The following GANC variants were observed in gnomAD, a reference collection of about 807,000 sequenced individuals.
GANC encodes glucosidase alpha, neutral C, also known as neutral alpha-glucosidase C.
Under a neutral mutation model 124.2 loss-of-function variants are expected in GANC, and 117 were observed. That is an observed-to-expected ratio of 0.94 (90% CI 0.81 to 1.10). The LOEUF is 1.10. GANC is among the 50% of genes least tolerant of loss of function. GANC has a pLI of 0.00. For missense variants in GANC, 1,140 were observed against 1,095.0 expected, an observed-to-expected ratio of 1.04 and a Z score of -0.58; for synonymous variants, 377 against 376.8, an observed-to-expected ratio of 1.00 and a Z score of -0.01.
intron 11 of GANC, among the ~76,000 whole-genome samples, chr15:42,325,149 T>C (rs1196558185): frequency 6.6e-6 from 1 of 150,896 alleles, no homozygotes; most frequent in Non-Finnish European, 1.5e-5. Context: ...GGCGGGCACC[T>C]GTAATCCCAG....
chr15:42,278,740 TCCC>T, intron 3 of GANC, 150 bp downstream of exon 3: 3 of 568,420 alleles, frequency 5.3e-6, no homozygotes, highest in Middle Eastern at 4.1e-4. Flanking sequence ...ACGCCTGTAA[TCCC>T]AGCACTCTGG....
chr15:42,348,569 C>T (rs1420375587), intron 21 of GANC, among the ~76,000 whole-genome samples: 1 of 152,206 alleles, frequency 6.6e-6, no homozygotes, highest in Non-Finnish European at 1.5e-5. Context: ...CATGTCTATG[C>T]ACCATTTCAG....
chr15:42,349,508 A>G lies in GANC; in HGVS notation c.2531+13A>G. 6.9e-7 allele frequency: 1 copy of G among 1,439,944 alleles called. No homozygotes were observed. The highest frequency in any genetic ancestry group is 1.7e-4 in the Middle Eastern group (1 of 5,718). The allele number at this position is 1,439,944 out of a possible 1,614,324, so 89.2% of individuals were successfully genotyped here. The stretch of plus-strand genomic sequence containing the variant: ...TTCTGATCAATAGGTAATGGCAGCT[A>G]AAGAAACTGTTTGTTTTCTTAAGTA... On this transcript the variant is annotated intron_variant, in intron 22 of 23. Transcript: ENST00000318010.
At chr15:42,303,007 C>G (rs2051961135) in intron 6 of GANC, among the ~76,000 whole-genome samples, 1 of 152,086 alleles carries the variant, frequency 6.6e-6, no homozygotes, top group South Asian at 2.1e-4. Context: ...ACAGAGAACA[C>G]CACAAAGATA....
At position 42,310,450 on chromosome 15, in the gene GANC, A is replaced by C. The variant is rs750244401; in HGVS notation, c.890A>C (p.Glu297Ala). ...GAAACACTGGTGGAGATCAATACAGAGCCTGCAGTAGAGGTGAGCTATTTA... is the reference window on the plus strand; with the variant it reads ...GAAACACTGGTGGAGATCAATACAGCGCCTGCAGTAGAGGTGAGCTATTTA... Reference protein sequence around the residue: ...ASETLVEINTEPAVEYTLTQM... With the variant: ...ASETLVEINTAPAVEYTLTQM... Residue 297 changes from glutamate (E) to alanine (A), a missense_variant, in exon 9 of 24, where the codon GAG becomes GCG. Coordinates refer to ENST00000318010, the MANE Select transcript of GANC (RefSeq NM_198141.3). The C allele has an allele frequency of 3.1e-6, 5 of 1,603,694 alleles. No homozygotes were observed. In the Middle Eastern group the frequency reaches 5.0e-4, roughly 160 times the overall value.
At chr15:42,318,194 T>C (rs952435880) in intron 10 of GANC, among the ~76,000 whole-genome samples, 1 of 152,176 alleles carries the variant, frequency 6.6e-6, no homozygotes, top group Non-Finnish European at 1.5e-5. Flanking sequence ...TGTTTTCTGG[T>C]GTTGTATCCC....
chr15:42,307,544 A>G (rs2052010236), intron 7 of GANC, among the ~76,000 whole-genome samples: 1 of 152,172 alleles, frequency 6.6e-6, no homozygotes, highest in South Asian at 2.1e-4. Flanking sequence ...CTTTTCCACA[A>G]GCTCCTACAA....
Position 42,352,350 on chromosome 15 carries a change from T to G in GANC, c.*211T>G, listed in dbSNP as rs1412483294. 7.4e-7 allele frequency: 1 copy of G among 1,359,294 alleles called. No individual in the cohort carries two copies. The highest frequency in any genetic ancestry group is 3.0e-5 in the East Asian group (1 of 33,812). The allele number at this position is 1,359,294 out of a possible 1,614,324, so 84.2% of individuals were successfully genotyped here. On this transcript the variant is annotated 3_prime_UTR_variant, in exon 24 of 24. Coordinates refer to ENST00000318010, the MANE Select transcript of GANC (RefSeq NM_198141.3). ...AGATGTACTAACAATATTCCTTGTATCAAACATCTCCTTTTCTCCCTGATA... is the reference window on the plus strand; with the variant it reads ...AGATGTACTAACAATATTCCTTGTAGCAAACATCTCCTTTTCTCCCTGATA...
At chr15:42,290,949 G>A (rs1270797262) in intron 4 of GANC, among the ~76,000 whole-genome samples, 2 of 152,114 alleles carry the variant, frequency 1.3e-5, no homozygotes, top group Admixed American at 6.5e-5. Context: ...AGGTGAAGCT[G>A]ATCCTGCCTT....
chr15:42,337,006 GA>G (rs1476938736), intron 15 of GANC, among the ~76,000 whole-genome samples: 1 of 152,212 alleles, frequency 6.6e-6, no homozygotes, highest in Non-Finnish European at 1.5e-5. Flanking sequence ...AGGTTGCAGA[GA>G]AAGGACAATG....
At position 42,310,321 on chromosome 15, in the gene GANC, A is replaced by G. The variant is rs766926987; in HGVS notation, c.761A>G (p.Tyr254Cys). Residue 254 changes from tyrosine to cysteine, a missense_variant, in exon 9 of 24, where the codon TAT becomes TGT. Transcript: ENST00000318010. ...DAYRLYNLDVYGYQIYDKMGI... is the reference protein window; with the variant it reads ...DAYRLYNLDVCGYQIYDKMGI... ...TACCGTCTTTATAACCTGGATGTCTATGGATACCAAATATATGATAAAATG... is the reference window on the plus strand; with the variant it reads ...TACCGTCTTTATAACCTGGATGTCTGTGGATACCAAATATATGATAAAATG... 7 of 1,612,436 alleles carry G rather than the reference A, an allele frequency of 4.3e-6. No individual in the cohort carries two copies. Among genetic ancestry groups the G allele is most frequent in the South Asian group, 2.2e-5 (2 of 90,888 alleles).
intron 6 of GANC, among the ~76,000 whole-genome samples, chr15:42,297,946 C>T (rs184337076): frequency 6.6e-6 from 1 of 152,258 alleles, no homozygotes; most frequent in East Asian, 1.9e-4. Context: ...AAACAAATCC[C>T]AAACATGTTC....
chr15:42,298,856 C>T (rs750416730), intron 6 of GANC, among the ~76,000 whole-genome samples: 28 of 152,146 alleles, frequency 1.8e-4, no homozygotes, highest in Non-Finnish European at 3.4e-4. Flanking sequence ...ATTTGGCTCT[C>T]TGATTGTCTA....
intron 17 of GANC, among the ~76,000 whole-genome samples, chr15:42,340,204 C>T (rs570027945): frequency 2.0e-5 from 3 of 152,266 alleles, no homozygotes; most frequent in African/African-American, 7.2e-5. Flanking sequence ...AAAATTCATT[C>T]AGTATTTAAC....
At chr15:42,306,285 A>G (rs1330432823) in intron 6 of GANC, among the ~76,000 whole-genome samples, 1 of 152,192 alleles carries the variant, frequency 6.6e-6, no homozygotes, top group Non-Finnish European at 1.5e-5. Context: ...AATAGTTAAA[A>G]TGGTAAATTT....
intron 3 of GANC, among the ~76,000 whole-genome samples, chr15:42,286,878 A>G (rs1022898512): frequency 1.3e-5 from 2 of 152,244 alleles, no homozygotes; most frequent in Non-Finnish European, 2.9e-5. Flanking sequence ...AAAATTTGGC[A>G]TCATACTTCG....
At chr15:42,346,518 T>C (rs1484757382) in intron 20 of GANC, among the ~76,000 whole-genome samples, 1 of 152,172 alleles carries the variant, frequency 6.6e-6, no homozygotes, top group Non-Finnish European at 1.5e-5. Context: ...GGTATATGAA[T>C]TCTATCAAAG....
chr15:42,299,718 A>G (rs1023890039), intron 6 of GANC, among the ~76,000 whole-genome samples: 1 of 152,234 alleles, frequency 6.6e-6, no homozygotes, highest in Non-Finnish European at 1.5e-5. Context: ...CTACAAGGCT[A>G]CAGTAACCAA....
chr15:42,298,354 T>C (rs1433948181), intron 6 of GANC, among the ~76,000 whole-genome samples: 1 of 152,222 alleles, frequency 6.6e-6, no homozygotes, highest in Non-Finnish European at 1.5e-5. Context: ...GAAAGATTTG[T>C]AATAATTATT....
Sources: gnomAD v4.1 joint callset for allele counts (sites outside exome capture counted in the v4.1 genomes callset) on GRCh38, gnomAD v4.1.1 for gene constraint, MANE v1.5 for transcripts, NCBI Gene and HGNC (gene_info 2026-07-23, HGNC 2026-07-21) for gene names.